The following ECM2 variants were observed in gnomAD, a reference collection of about 807,000 sequenced individuals.
ECM2 encodes extracellular matrix protein 2, female organ and adipocyte specific.
A neutral mutation model predicts 67.5 loss-of-function variants in ECM2; 57 were observed. The ratio of observed to expected loss-of-function variants is 0.84; its 90% confidence interval spans 0.68 to 1.05. ECM2 has a LOEUF of 1.05. ECM2 is among the 50% of genes least tolerant of loss of function. ECM2 has a pLI of 0.00. For missense variants in ECM2, 741 were observed against 822.8 expected (o/e 0.90, Z 1.22); for synonymous variants, 258 against 294.5 (o/e 0.88, Z 1.27).
chr9:92,545,476 T>G, the ECM2 span, among the ~76,000 whole-genome samples: 1 of 152,126 alleles, frequency 6.6e-6, no homozygotes, highest in Non-Finnish European at 1.5e-5. Flanking sequence ...GGGCCTTAGC[T>G]GCCTCCCCGC....
chr9:92,550,231 A>G, the ECM2 span, among the ~76,000 whole-genome samples: 1 of 152,174 alleles, frequency 6.6e-6, no homozygotes, highest in Non-Finnish European at 1.5e-5. Flanking sequence ...CCCCGTCTCT[A>G]CTAAAATACA....
At chr9:92,498,937 T>G (rs1407021664) in intron 9 of ECM2, among the ~76,000 whole-genome samples, 2 of 152,214 alleles carry the variant, frequency 1.3e-5, no homozygotes, top group East Asian at 3.8e-4. Flanking sequence ...ATACGGAATT[T>G]CCTGGCAGTC....
chr9:92,511,751 A>C (rs1847358109), intron 5 of ECM2, among the ~76,000 whole-genome samples: 1 of 152,188 alleles, frequency 6.6e-6, no homozygotes, highest in Non-Finnish European at 1.5e-5. Flanking sequence ...TTGGGAAGAA[A>C]CTACTCCATA....
At position 92,514,680 on chromosome 9, in the gene ECM2, G is replaced by T; in HGVS notation, c.1005C>A (p.Thr335=). Residue 335 remains threonine, a synonymous_variant, in exon 4 of 10, where the codon ACC becomes ACA. Transcript: ENST00000344604. Reference sequence around the variant, plus strand: ...GTGGTGCTGTCAGCGGTGGTATCTGGGTAAGCATGGCGTTGATGCAGCTGA... The same window carrying T: ...GTGGTGCTGTCAGCGGTGGTATCTGTGTAAGCATGGCGTTGATGCAGCTGA... ...RTISCINAML[T]QIPPLTAPQI... is the part of the protein sequence containing the mutation. 6.2e-7 allele frequency: 1 copy of T among 1,609,380 alleles called. No individual in the cohort carries two copies. The highest frequency in any genetic ancestry group is 8.5e-7 in the Non-Finnish European group (1 of 1,176,848).
At position 92,500,782 on chromosome 9, in the gene ECM2, C is replaced by A. The variant is rs1211295217; in HGVS notation, c.1876G>T (p.Gly626Trp). 1 of 1,613,960 alleles carries A rather than the reference C, an allele frequency of 6.2e-7. No individual in the cohort carries two copies. The highest frequency in any genetic ancestry group is 8.5e-7 in the Non-Finnish European group (1 of 1,180,020). ...DHNDLKSIPP[G>W]IQEMKALHFL... ...TGTAGTGCTTTCATTTCTTGTATCC[C>A]AGGTGGTATAGATTTTAAGTCATTG... Residue 626 changes from glycine to tryptophan, a missense_variant, in exon 9 of 10, where the codon GGG (glycine) becomes TGG (tryptophan). Coordinates refer to ENST00000344604, the MANE Select transcript of ECM2 (RefSeq NM_001393.4).
At chr9:92,558,101 G>A in the ECM2 span, among the ~76,000 whole-genome samples, 1 of 152,038 alleles carries the variant, frequency 6.6e-6, no homozygotes, top group Non-Finnish European at 1.5e-5. Context: ...GTCCCTCCCT[G>A]ATTAGCTTAA....
the ECM2 span, among the ~76,000 whole-genome samples, chr9:92,552,149 A>C: frequency 7.0e-6 from 1 of 143,262 alleles, no homozygotes; most frequent in Non-Finnish European, 1.5e-5. Flanking sequence ...ATGTGATATG[A>C]TAGATCTATC....
In ECM2 at chr9:92,515,155, A is replaced by T. The variant is rs542932546; in HGVS notation, c.530T>A (p.Phe177Tyr). 1 of 1,609,472 alleles carries T rather than the reference A, an allele frequency of 6.2e-7. No individual in the cohort carries two copies. Among genetic ancestry groups the T allele is most frequent in the East Asian group, 2.2e-5 (1 of 44,862 alleles). ...TCTTTGTTCTGAAGAATCACCAGAA[A>T]ATTCATTTCTATCATTTAATGCTAT... is the stretch of plus-strand genomic sequence containing the variant. ...SGIALNDRNE[F>Y]SGDSSEQREP... The change falls in exon 4 of 10, where the codon TTT (phenylalanine) becomes TAT (tyrosine). Residue 177 changes from phenylalanine (F) to tyrosine (Y), a missense_variant. Physicochemically the swap from Phe to Tyr is conservative, Grantham distance 22 (BLOSUM62 3). Transcript: ENST00000344604.
Position 92,517,701 on chromosome 9 carries a change from A to T in ECM2, c.467T>A (p.Val156Asp). 1 of 1,614,208 alleles carries T rather than the reference A, an allele frequency of 6.2e-7. No homozygotes were observed. The highest frequency in any genetic ancestry group is 8.5e-7 in the Non-Finnish European group (1 of 1,180,028). ...AATCTCTGTACCAGTAGCGGAGCAGACCGGGCAGCATTCCCCTTCAGGTAT... is the reference window on the plus strand; with the variant it reads ...AATCTCTGTACCAGTAGCGGAGCAGTCCGGGCAGCATTCCCCTTCAGGTAT... ...TVIPEGECCPVCSATVSYSLL... is the reference protein window; with the variant it reads ...TVIPEGECCPDCSATVSYSLL... Residue 156 changes from valine to aspartate, a missense_variant, in exon 3 of 10, where the codon GTC (valine) becomes GAC (aspartate). Physicochemically the swap from Val to Asp is radical, Grantham distance 152 (BLOSUM62 -3). Coordinates refer to ENST00000344604, the MANE Select transcript of ECM2 (RefSeq NM_001393.4).
At chr9:92,531,142 G>A (rs996144907) in intron 1 of ECM2, among the ~76,000 whole-genome samples, 2 of 152,022 alleles carry the variant, frequency 1.3e-5, no homozygotes, top group Admixed American at 6.6e-5. Flanking sequence ...TTTAATGTTT[G>A]AATTGAAATA....
intron 7 of ECM2, 28 bp from the exon 8 acceptor site, chr9:92,502,680 T>TTTCTTTTGTGCCTAGA: frequency 1.3e-6 from 2 of 1,508,738 alleles, no homozygotes; most frequent in South Asian, 2.4e-5. Flanking sequence ...GACTATTATT[T>TTTCTTTTGTGCCTAGA]TTCTTTTGTG....
chr9:92,502,432 A>C (rs1191626364), intron 8 of ECM2, 81 bp downstream of exon 8: 1 of 1,525,892 alleles, frequency 6.6e-7, no homozygotes, highest in East Asian at 2.3e-5. Context: ...CACTTATCCC[A>C]TTCCCAGTTT....
intron 1 of ECM2, among the ~76,000 whole-genome samples, chr9:92,533,350 T>A (rs1275792258): frequency 3.8e-4 from 47 of 122,986 alleles, no homozygotes; most frequent in African/African-American, 1.4e-3. Flanking sequence ...TATATATATA[T>A]ATATATATGC....
chr9:92,524,271 G>A (rs1848256705), intron 1 of ECM2, among the ~76,000 whole-genome samples: 4 of 152,204 alleles, frequency 2.6e-5, no homozygotes, highest in African/African-American at 9.7e-5. Context: ...GTCAGGAAGA[G>A]TAACTCTTTA....
chr9:92,552,099 A>C, the ECM2 span, among the ~76,000 whole-genome samples: 7 of 120,704 alleles, frequency 5.8e-5, 1 homozygote, highest in East Asian at 1.4e-3. Context: ...GATATGATAG[A>C]TCTATCATAT....
chr9:92,499,261 C>T (rs538501050), intron 9 of ECM2, among the ~76,000 whole-genome samples: 1 of 152,294 alleles, frequency 6.6e-6, no homozygotes, highest in East Asian at 1.9e-4. Flanking sequence ...AAAGCAAAAA[C>T]ATTCAGGCTC....
the ECM2 span, among the ~76,000 whole-genome samples, chr9:92,558,976 C>T: frequency 1.3e-4 from 20 of 152,162 alleles, no homozygotes; most frequent in East Asian, 3.7e-3. Context: ...AGGGCAGTTC[C>T]CCCGCCACCC....
At position 92,525,837 on chromosome 9, in the gene ECM2, T is replaced by C. The variant is rs546133860; in HGVS notation, c.-27-2944A>G. Among the ~76,000 whole-genome samples, 152 of 134,164 alleles carry C rather than the reference T, an allele frequency of 1.1e-3. 1 individual carries two copies. Among genetic ancestry groups the C allele is most frequent in the African/African-American group, 4.2e-3 (145 of 34,588 alleles). The allele number at this position is 134,164 out of a possible 152,430, so 88.0% of individuals were successfully genotyped here. A position where few individuals can be genotyped will look rare whatever the true frequency, so the allele number is the denominator to read the frequency against. On this transcript the variant is annotated intron_variant, in intron 1 of 9. Coordinates refer to ENST00000344604, the MANE Select transcript of ECM2 (RefSeq NM_001393.4). Reference sequence around the variant, plus strand: ...CCCGGGAGGCGGAGGTTGCACTGAGTAGCTAGGACTACAGGTATGCACCAC... The same window carrying C: ...CCCGGGAGGCGGAGGTTGCACTGAGCAGCTAGGACTACAGGTATGCACCAC...
chr9:92,495,292 T>G (rs1378075568), downstream of ECM2: 1 of 803,484 alleles, frequency 1.2e-6, no homozygotes, highest in Non-Finnish European at 1.5e-6. Context: ...TAAATTACTT[T>G]AGCAATACAA....
Sources: gnomAD v4.1 joint callset for allele counts (sites outside exome capture counted in the v4.1 genomes callset) on GRCh38, gnomAD v4.1.1 for gene constraint, MANE v1.5 for transcripts, NCBI Gene and HGNC (gene_info 2026-07-23, HGNC 2026-07-21) for gene names.